Variants in ANP32A observed in about 807,000 individuals in gnomAD.
ANP32A encodes the protein acidic nuclear phosphoprotein 32 family member A.
Under a neutral mutation model 33.9 loss-of-function variants are expected in ANP32A, and 1 was observed. That is an observed-to-expected ratio of 0.03 (90% confidence interval 0.01 to 0.14). The LOEUF is 0.14. Among genes scored for constraint, ANP32A ranks in the 10% least tolerant of loss-of-function variants. The pLI, the probability that ANP32A is intolerant of heterozygous loss-of-function variation, is 1.00. For synonymous variants in ANP32A, 115 were observed against 120.5 expected (o/e 0.95, Z 0.30); for missense variants, 155 against 306.0 (o/e 0.51, Z 3.68).
At chr15:68,787,334 A>T in intron 3 of ANP32A, 79 bp downstream of exon 3, 1 of 1,587,536 alleles carries the variant, frequency 6.3e-7, no homozygotes, top group Non-Finnish European at 8.6e-7. Context: ...GAAAAGGACA[A>T]ATGCAAAAGT....
chr15:68,787,292 A>G, intron 3 of ANP32A, 121 bp downstream of exon 3: 1 of 1,361,418 alleles, frequency 7.3e-7, no homozygotes, highest in Non-Finnish European at 1.0e-6. Context: ...TCTATCTCAT[A>G]GCACATCATG....
chr15:68,802,675 G>A (rs1016592652), intron 1 of ANP32A, among the ~76,000 whole-genome samples: 3 of 152,118 alleles, frequency 2.0e-5, no homozygotes, highest in Admixed American at 6.5e-5. Flanking sequence ...TATTTGAGAC[G>A]GAATTTTGTT....
At chr15:68,784,674 G>A in intron 3 of ANP32A, 79 bp from the exon 4 acceptor site, 2 of 1,488,514 alleles carry the variant, frequency 1.3e-6, no homozygotes, top group Non-Finnish European at 1.9e-6. Flanking sequence ...AACAGGCAAG[G>A]ATGCCATGAG....
At chr15:68,816,087 A>G (rs1344321787) in intron 1 of ANP32A, among the ~76,000 whole-genome samples, 1 of 152,180 alleles carries the variant, frequency 6.6e-6, no homozygotes, top group Non-Finnish European at 1.5e-5. Flanking sequence ...GCTTCATAAA[A>G]TGATAATCCA....
chr15:68,820,481 G>T (rs1894457637), intron 1 of ANP32A, among the ~76,000 whole-genome samples: 1 of 152,116 alleles, frequency 6.6e-6, no homozygotes, highest in Non-Finnish European at 1.5e-5. Flanking sequence ...ACACGCACAG[G>T]TAGTCACACA....
chr15:68,780,132 C>G lies in ANP32A; in HGVS notation c.699G>C (p.Arg233Ser). The change falls in exon 7 of 7, where the codon AGG (arginine) becomes AGC (serine). Residue 233 changes from arginine to serine, a missense_variant. Arg to Ser is a moderately radical substitution (Grantham distance 110). This residue lies in a region of ANP32A where 63 missense variants were observed against 82.8 expected (regional missense o/e 0.76). Coordinates refer to ENST00000465139, the MANE Select transcript of ANP32A (RefSeq NM_006305.4). The surrounding 1 kb of genome is among the most constrained non-coding windows in gnomAD (Gnocchi z 4.3). Reference sequence around the variant, plus strand: ...CAGGTTCTCGTTTTCGCTTCTGACCCCTTTCTTCTTCTGGAAAAGTAAGAA... The same window carrying G: ...CAGGTTCTCGTTTTCGCTTCTGACCGCTTTCTTCTTCTGGAAAAGTAAGAA... ...EDEEELGEEE[R>S]GQKRKREPED... The G allele has an allele frequency of 1.2e-6, 2 of 1,613,640 alleles. No homozygotes were observed. The highest frequency in any genetic ancestry group is 4.5e-5 in the East Asian group (2 of 44,880).
intron 1 of ANP32A, 23 bp from the exon 2 acceptor site, chr15:68,787,942 G>A (rs753167154): frequency 6.2e-7 from 1 of 1,613,868 alleles, no homozygotes; most frequent in East Asian, 2.2e-5. Flanking sequence ...CCGACCGTGT[G>A]AGCGGGGCTG....
chr15:68,805,565 T>C (rs952395129), intron 1 of ANP32A, among the ~76,000 whole-genome samples: 4 of 152,234 alleles, frequency 2.6e-5, no homozygotes, highest in Non-Finnish European at 4.4e-5. Context: ...GGCCGGCTAT[T>C]ATACTTGTCC....
chr15:68,818,909 G>C (rs1276535696), intron 1 of ANP32A, among the ~76,000 whole-genome samples: 1 of 150,822 alleles, frequency 6.6e-6, no homozygotes, highest in Non-Finnish European at 1.5e-5. Context: ...GAGGCAAACC[G>C]CCCGCAAATA....
rs1447644874 is a variant in ANP32A at position 68,778,784 on chromosome 15, A to T, written c.*1297T>A. 1 of 152,156 alleles carries T rather than the reference A, an allele frequency of 6.6e-6. No homozygotes were observed. The highest frequency in any genetic ancestry group is 2.4e-5 in the African/African-American group (1 of 41,446). The allele number at this position is 152,156 out of a possible 1,614,324, so 9.4% of individuals were successfully genotyped here. A position where few individuals can be genotyped will look rare whatever the true frequency, so the allele number is the denominator to read the frequency against. ...CATAGTATCACATTATATATATCTC[A>T]TAAGAAAAGCTATTCTATCAGGTAA... is the stretch of plus-strand genomic sequence containing the variant. On this transcript the variant is annotated 3_prime_UTR_variant, in exon 7 of 7. Coordinates refer to ENST00000465139, the MANE Select transcript of ANP32A (RefSeq NM_006305.4).
At chr15:68,801,846 TA>T (rs1894141339) in intron 1 of ANP32A, 1 of 154,640 alleles carries the variant, frequency 6.5e-6, no homozygotes, top group African/African-American at 2.4e-5. Flanking sequence ...GCTCAGAGGA[TA>T]AACTCTGAGG....
Position 68,787,938 on chromosome 15 carries a change from G to T in ANP32A, c.55-19C>A, listed in dbSNP as rs374654173. 1.2e-5 allele frequency: 19 copies of T among 1,613,830 alleles called. No individual in the cohort carries two copies. The highest frequency in any genetic ancestry group is 1.4e-5 in the Non-Finnish European group (16 of 1,179,998). ...CTTTCACCTGAAAGAAGGCCCGACC[G>T]TGTGAGCGGGGCTGAGGAATGGGGC... On this transcript the variant is annotated intron_variant, in intron 1 of 6. Coordinates refer to ENST00000465139, the MANE Select transcript of ANP32A (RefSeq NM_006305.4).
intron 1 of ANP32A, among the ~76,000 whole-genome samples, chr15:68,812,474 T>G (rs987383012): frequency 6.6e-6 from 1 of 151,730 alleles, no homozygotes; most frequent in Non-Finnish European, 1.5e-5. Flanking sequence ...GCTGAGAAGG[T>G]TGGAGGGGAG....
chr15:68,804,051 C>T (rs181943134), intron 1 of ANP32A, among the ~76,000 whole-genome samples: 112 of 152,204 alleles, frequency 7.4e-4, no homozygotes, highest in African/African-American at 2.6e-3. Context: ...CCACCCACCT[C>T]GGCCTCCCAA....
intron 1 of ANP32A, among the ~76,000 whole-genome samples, chr15:68,797,265 G>T (rs1894075119): frequency 1.3e-5 from 2 of 152,170 alleles, no homozygotes; most frequent in African/African-American, 4.8e-5. Flanking sequence ...CCTCCAAGAT[G>T]CCTGGGGTGG....
At chr15:68,785,856 CAA>C (rs1390392627) in intron 3 of ANP32A, among the ~76,000 whole-genome samples, 13 of 151,940 alleles carry the variant, frequency 8.6e-5, no homozygotes, top group Middle Eastern at 6.8e-3. Flanking sequence ...TACAGAACTT[CAA>C]AGACTTTTTC....
intron 1 of ANP32A, among the ~76,000 whole-genome samples, chr15:68,793,473 G>A (rs190759129): frequency 6.6e-6 from 1 of 152,272 alleles, no homozygotes; most frequent in Admixed American, 6.5e-5. Context: ...GCACACCTGC[G>A]ACACTGTTGG....
chr15:68,782,509 T>C (rs1320024078), intron 5 of ANP32A, among the ~76,000 whole-genome samples: 6 of 152,344 alleles, frequency 3.9e-5, no homozygotes, highest in African/African-American at 1.4e-4. Context: ...CCTGGTGCTC[T>C]ATTTCCATAG....
In ANP32A at chr15:68,780,702, G is replaced by GT. The variant is rs1358004892; in HGVS notation, c.625-230dup. Reference sequence around the variant, plus strand: ...TGAACTCCTTCTCCAGAAAATGTCCGTATCATTTATAATATTTGCAAGCAG... The same window carrying GT: ...TGAACTCCTTCTCCAGAAAATGTCCGTTATCATTTATAATATTTGCAAGCAG... On this transcript the variant is annotated intron_variant, in intron 5 of 6. Coordinates refer to ENST00000465139, the MANE Select transcript of ANP32A (RefSeq NM_006305.4). The surrounding 1 kb of genome is among the most constrained non-coding windows in gnomAD (Gnocchi z 4.3). 1.7e-6 allele frequency: 1 copy of GT among 606,020 alleles called. No individual in the cohort carries two copies. Among genetic ancestry groups the GT allele is most frequent in the African/African-American group, 1.9e-5 (1 of 53,514 alleles). 37.5% of individuals were successfully genotyped at this position (606,020 alleles called of 1,614,324 possible). A position where few individuals can be genotyped will look rare whatever the true frequency, so the allele number is the denominator to read the frequency against.
Sources: allele counts gnomAD v4.1 joint callset (sites outside exome capture counted in the v4.1 genomes callset), GRCh38; gene constraint gnomAD v4.1.1; regional missense constraint gnomAD v4.1.1; non-coding constraint Gnocchi (gnomAD v3.1); transcripts MANE v1.5; gene names NCBI Gene and HGNC (gene_info 2026-07-23, HGNC 2026-07-21).